Variants in ASIC2 observed in about 807,000 individuals in gnomAD.
ASIC2 encodes the protein acid-sensing ion channel 2.
In ASIC2, 25 loss-of-function variants were observed where a neutral mutation model predicts 57.3. That is an observed-to-expected ratio of 0.44 (90% CI 0.32 to 0.61). The LOEUF (loss-of-function observed/expected upper bound fraction) is 0.61. ASIC2 is among the 20% of genes least tolerant of loss of function. ASIC2 has a pLI of 0.06. For synonymous variants in ASIC2, 319 were observed against 307.5 expected (o/e 1.04, Z -0.39); for missense variants, 641 against 738.1 (o/e 0.87, Z 1.52).
At chr17:33,919,169 T>C (rs991099157) in intron 1 of ASIC2, among the ~76,000 whole-genome samples, 19 of 152,110 alleles carry the variant, frequency 1.2e-4, no homozygotes, top group Non-Finnish European at 1.9e-4. Flanking sequence ...GGACCCTGGG[T>C]TCCTTCCAGG....
At chr17:33,855,629 A>ATGCTGATGATGGGGATGATGATGG (rs2141919256) in intron 1 of ASIC2, among the ~76,000 whole-genome samples, 1 of 152,214 alleles carries the variant, frequency 6.6e-6, no homozygotes, top group South Asian at 2.1e-4. Flanking sequence ...TGAGATGATG[A>ATGCTGATGATGGGGATGATGATGG]TGCTGATGAT....
At chr17:34,139,867 A>G (rs4795876) in intron 1 of ASIC2, among the ~76,000 whole-genome samples, 115,212 of 152,056 alleles carry the variant, frequency 0.76, 43,752 homozygotes, top group South Asian at 0.85. Context: ...ACTTAATACC[A>G]TTGAATTGTA....
intron 1 of ASIC2, among the ~76,000 whole-genome samples, chr17:34,054,573 A>G (rs1397756116): frequency 6.6e-6 from 1 of 152,198 alleles, no homozygotes; most frequent in Non-Finnish European, 1.5e-5. Flanking sequence ...CAATTCACAC[A>G]TACACATTTG....
intron 1 of ASIC2, among the ~76,000 whole-genome samples, chr17:33,427,216 CA>C (rs1911249377): frequency 6.6e-6 from 1 of 152,124 alleles, no homozygotes; most frequent in South Asian, 2.1e-4. Context: ...ATTGGATTCA[CA>C]TGCTAAAAAT....
rs907694996 is a variant in ASIC2, at chr17:33,442,893, A to G, written c.556-330826T>C. Among the ~76,000 whole-genome samples, 3 of 152,248 alleles carry G rather than the reference A, an allele frequency of 2.0e-5. No individual in the cohort carries two copies. The East Asian group carries it at 5.8e-4, about 29-fold the overall frequency. On this transcript the variant is annotated intron_variant, in intron 1 of 9. Transcript: ENST00000359872. ...AAACATTTAATCTTTCATCATTAAC[A>G]TCAGGCAAATGGCAGGGTTTTCATA...
At chr17:33,727,145 G>T (rs1264519288) in intron 1 of ASIC2, among the ~76,000 whole-genome samples, 1 of 152,102 alleles carries the variant, frequency 6.6e-6, no homozygotes, top group African/African-American at 2.4e-5. Flanking sequence ...CTCAAAAATA[G>T]GGGAAACTCT....
At chr17:33,593,947 C>T (rs1567663742) in intron 1 of ASIC2, among the ~76,000 whole-genome samples, 1 of 152,208 alleles carries the variant, frequency 6.6e-6, no homozygotes, top group Non-Finnish European at 1.5e-5. Context: ...TTAAAGACCT[C>T]TGTAAGGGCC....
At chr17:33,673,892 C>T (rs901418852) in intron 1 of ASIC2, among the ~76,000 whole-genome samples, 2 of 146,146 alleles carry the variant, frequency 1.4e-5, no homozygotes, top group Non-Finnish European at 3.0e-5. Context: ...TCTGTGCATC[C>T]GTGTCTTTTT....
intron 1 of ASIC2, among the ~76,000 whole-genome samples, chr17:33,661,235 C>T (rs1907253197): frequency 6.6e-6 from 1 of 150,504 alleles, no homozygotes; most frequent in African/African-American, 2.4e-5. Context: ...GGGCTCGTGT[C>T]TCGCAAGCTA....
chr17:34,004,088 G>A (rs1238719862), intron 1 of ASIC2: 1 of 152,160 alleles, frequency 6.6e-6, no homozygotes, highest in Admixed American at 6.5e-5. Context: ...CAGTTATGGT[G>A]GGACCCTTTG....
intron 1 of ASIC2, among the ~76,000 whole-genome samples, chr17:33,555,404 C>A (rs117459047): frequency 1.3e-3 from 158 of 121,786 alleles, no homozygotes; most frequent in Non-Finnish European, 2.1e-3. Flanking sequence ...ATAACACATT[C>A]TTGGGGGTGC....
chr17:33,116,642 G>C (rs750353082), intron 1 of ASIC2, among the ~76,000 whole-genome samples: 1 of 152,142 alleles, frequency 6.6e-6, no homozygotes, highest in Non-Finnish European at 1.5e-5. Context: ...GAATGGTGGG[G>C]GGTGGGGGCT....
intron 1 of ASIC2, among the ~76,000 whole-genome samples, chr17:33,872,019 A>G (rs1200223640): frequency 3.3e-5 from 5 of 152,110 alleles, no homozygotes; most frequent in African/African-American, 1.2e-4. Context: ...TCCCACTTGC[A>G]GGCTCAGGCC....
chr17:33,104,120 A>G (rs997202378), intron 2 of ASIC2, among the ~76,000 whole-genome samples: 3 of 152,016 alleles, frequency 2.0e-5, no homozygotes, highest in Non-Finnish European at 2.9e-5. Flanking sequence ...TCTACTTTAC[A>G]TCTTCCAAAA....
chr17:34,078,642 G>A (rs1307456210), intron 1 of ASIC2, among the ~76,000 whole-genome samples: 1 of 152,148 alleles, frequency 6.6e-6, no homozygotes, highest in African/African-American at 2.4e-5. Flanking sequence ...TGGGGATGGG[G>A]CTGGGGGCAC....
chr17:33,823,172 C>A, intron 1 of ASIC2, among the ~76,000 whole-genome samples: 1 of 152,176 alleles, frequency 6.6e-6, no homozygotes, highest in Non-Finnish European at 1.5e-5. Context: ...TGCTTCTTAT[C>A]ACAGCTGTAA....
intron 1 of ASIC2, among the ~76,000 whole-genome samples, chr17:33,136,257 C>T (rs563898165): frequency 6.6e-6 from 1 of 152,322 alleles, no homozygotes; most frequent in African/African-American, 2.4e-5. Context: ...TTACTGAGCA[C>T]CAGACACTGT....
At chr17:33,331,669 T>TA in intron 1 of ASIC2, among the ~76,000 whole-genome samples, 1 of 152,340 alleles carries the variant, frequency 6.6e-6, no homozygotes, top group East Asian at 1.9e-4. Context: ...GCCAAACCCA[T>TA]ATGTTAAAAA....
At chr17:33,909,539 G>A (rs1915418029) in intron 1 of ASIC2, among the ~76,000 whole-genome samples, 1 of 152,134 alleles carries the variant, frequency 6.6e-6, no homozygotes, top group East Asian at 1.9e-4. Flanking sequence ...ATAGGCTGGG[G>A]GGAGGCAAGA....
Sources: allele counts gnomAD v4.1 joint callset (sites outside exome capture counted in the v4.1 genomes callset), GRCh38; gene constraint gnomAD v4.1.1; transcripts MANE v1.5; gene names NCBI Gene and HGNC (gene_info 2026-07-23, HGNC 2026-07-21).